The following LUZP2 variants were observed in gnomAD, a reference collection of about 807,000 sequenced individuals.
LUZP2 encodes leucine zipper protein 2.
LUZP2 carries 52 observed loss-of-function variants against 51.6 expected under a neutral mutation model. The observed-to-expected ratio is 1.01, with a 90% CI of 0.81 to 1.27. The LOEUF (loss-of-function observed/expected upper bound fraction) is 1.27. LUZP2 is among the 50% of genes most tolerant of loss of function. The pLI is 0.00. For missense variants in LUZP2, 436 were observed against 395.4 expected (o/e 1.10, Z -0.87); for synonymous variants, 154 against 137.3 (o/e 1.12, Z -0.85).
rs546562366 is a variant in LUZP2, at chr11:24,926,237, G to A, written c.522+11699G>A. 1.6e-3 allele frequency among the ~76,000 whole-genome samples: 219 copies of A among 140,574 alleles called. 1 individual carries two copies. Among genetic ancestry groups the A allele is most frequent in the African/African-American group, 5.4e-3 (202 of 37,616 alleles). The allele number at this position is 140,574 out of a possible 152,430, so 92.2% of individuals were successfully genotyped here. The stretch of plus-strand genomic sequence containing the variant: ...TATATATATACGTGTATATATATAT[G>A]TGTGTGTATATATATACGTGTGTGT... On this transcript the variant is annotated intron_variant, in intron 7 of 11. Transcript: ENST00000336930.
At chr11:24,843,848 T>C (rs1232312341) in intron 5 of LUZP2, among the ~76,000 whole-genome samples, 1 of 152,194 alleles carries the variant, frequency 6.6e-6, no homozygotes, top group Non-Finnish European at 1.5e-5. Flanking sequence ...CTGTACAAGC[T>C]GTCTCTCTCT....
chr11:24,805,725 T>C (rs1849835813), intron 5 of LUZP2, among the ~76,000 whole-genome samples: 1 of 152,110 alleles, frequency 6.6e-6, no homozygotes, highest in Admixed American at 6.6e-5. Context: ...ACTGTTTGTT[T>C]TAGGTTGGAT....
chr11:24,772,966 CTT>C (rs1349990289), intron 5 of LUZP2, among the ~76,000 whole-genome samples: 1 of 152,042 alleles, frequency 6.6e-6, no homozygotes, highest in African/African-American at 2.4e-5. Context: ...GTGCAAATAA[CTT>C]ATTTCCAAAT....
intron 1 of LUZP2, among the ~76,000 whole-genome samples, chr11:24,505,617 G>A (rs576061943): frequency 2.0e-5 from 3 of 152,178 alleles, no homozygotes; most frequent in African/African-American, 7.2e-5. Flanking sequence ...AGCTCATGTG[G>A]CATAGACAAG....
intron 9 of LUZP2, among the ~76,000 whole-genome samples, chr11:25,010,832 G>T (rs1176183745): frequency 6.6e-6 from 1 of 152,062 alleles, no homozygotes; most frequent in Non-Finnish European, 1.5e-5. Context: ...GGGTGACAGA[G>T]TGAGATACCA....
At chr11:24,765,107 T>G (rs12281860) in intron 5 of LUZP2, among the ~76,000 whole-genome samples, 9,644 of 152,214 alleles carry the variant, frequency 0.063, 360 homozygotes, top group Middle Eastern at 0.099. Context: ...GAACATATAT[T>G]AGCAATTAAA....
At chr11:24,663,902 G>A (rs1478113200) in intron 1 of LUZP2, among the ~76,000 whole-genome samples, 1 of 152,126 alleles carries the variant, frequency 6.6e-6, no homozygotes, top group Non-Finnish European at 1.5e-5. Flanking sequence ...CACCATGATT[G>A]TAAGTTCCTG....
intron 1 of LUZP2, among the ~76,000 whole-genome samples, chr11:24,515,863 T>G (rs1203243846): frequency 6.6e-6 from 1 of 152,160 alleles, no homozygotes; most frequent in Non-Finnish European, 1.5e-5. Context: ...AGGGACTGGG[T>G]AAAGCTATTC....
At chr11:24,520,111 TGGAGAATTTTGAATG>T (rs1275538024) in intron 1 of LUZP2, among the ~76,000 whole-genome samples, 2 of 152,210 alleles carry the variant, frequency 1.3e-5, no homozygotes, top group Non-Finnish European at 2.9e-5. Flanking sequence ...TCTTTAGTTT[TGGAGAATTTTGAATG>T]GGAGAATTTT....
rs147212699 is a variant in LUZP2, at chr11:24,933,692, T to G, written c.522+19154T>G. On this transcript the variant is annotated intron_variant, in intron 7 of 11. Transcript: ENST00000336930. Reference sequence around the variant, plus strand: ...AGAGTTTGTCAAATGTTTCAGATACTATTTAAATGGCTTGCATACTGTCAT... The same window carrying G: ...AGAGTTTGTCAAATGTTTCAGATACGATTTAAATGGCTTGCATACTGTCAT... Among the ~76,000 whole-genome samples the G allele has an allele frequency of 9.7e-3, 1,477 of 152,290 alleles. 20 individuals carry two copies. The highest frequency in any genetic ancestry group is 0.045 in the South Asian group (217 of 4,830).
At chr11:24,763,121 A>G (rs1860042042) in intron 4 of LUZP2, 125 bp from the exon 5 acceptor site, 2 of 552,484 alleles carry the variant, frequency 3.6e-6, no homozygotes, top group Admixed American at 4.0e-5. Flanking sequence ...GAACAGTGTA[A>G]TTCTTTGTTC....
At chr11:24,961,455 G>C (rs1294652537) in intron 7 of LUZP2, among the ~76,000 whole-genome samples, 1 of 152,088 alleles carries the variant, frequency 6.6e-6, no homozygotes, top group Non-Finnish European at 1.5e-5. Context: ...TATATATTTA[G>C]AATAGTTAGC....
At chr11:24,885,084 A>G (rs1323195443) in intron 5 of LUZP2, among the ~76,000 whole-genome samples, 1 of 152,072 alleles carries the variant, frequency 6.6e-6, no homozygotes, top group Admixed American at 6.6e-5. Flanking sequence ...AGAGAGACAT[A>G]TCATCATGTG....
intron 9 of LUZP2, among the ~76,000 whole-genome samples, chr11:25,008,601 A>G (rs956631836): frequency 6.6e-6 from 1 of 152,186 alleles, no homozygotes; most frequent in South Asian, 2.1e-4. Context: ...AGGGAGGGTT[A>G]CAATGTTACA....
At chr11:24,785,840 C>T (rs1163757665) in intron 5 of LUZP2, 5 of 984,624 alleles carry the variant, frequency 5.1e-6, no homozygotes, top group South Asian at 9.4e-5. Context: ...CTTCAAGAGG[C>T]TATGCTGACT....
At chr11:24,988,947 G>A (rs1856258000) in intron 9 of LUZP2, among the ~76,000 whole-genome samples, 1 of 151,770 alleles carries the variant, frequency 6.6e-6, no homozygotes, top group East Asian at 1.9e-4. Context: ...ATATTTGCAA[G>A]AGGTTTATTT....
At chr11:24,571,785 G>T (rs1481267206) in intron 1 of LUZP2, among the ~76,000 whole-genome samples, 1 of 151,898 alleles carries the variant, frequency 6.6e-6, no homozygotes, top group Non-Finnish European at 1.5e-5. Flanking sequence ...AAATCTATTT[G>T]TATCTGCTGA....
At chr11:24,838,428 G>GT (rs968849018) in intron 5 of LUZP2, among the ~76,000 whole-genome samples, 4 of 151,498 alleles carry the variant, frequency 2.6e-5, no homozygotes, top group Non-Finnish European at 5.9e-5. Context: ...AGATTAGCTG[G>GT]TACATGGAAA....
At position 25,055,317 on chromosome 11, in the gene LUZP2, T is replaced by A. The variant is rs895912183; in HGVS notation, c.858+5187T>A. Among the ~76,000 whole-genome samples, 18 of 152,236 alleles carry A rather than the reference T, an allele frequency of 1.2e-4. 1 individual carries two copies. In the East Asian group the frequency reaches 2.5e-3, roughly 21 times the overall value. On this transcript the variant is annotated intron_variant, in intron 10 of 11. Transcript: ENST00000336930. ...AGCCACTGTGCCTGGCCTACTTTAA[T>A]CTTTTAAAATTTCTTTCAGCAATGT...
Sources: allele counts gnomAD v4.1 joint callset (sites outside exome capture counted in the v4.1 genomes callset), GRCh38; gene constraint gnomAD v4.1.1; transcripts MANE v1.5; gene names NCBI Gene and HGNC (gene_info 2026-07-23, HGNC 2026-07-21).